VAV3: variants seen among roughly 807,000 people sequenced by gnomAD.
VAV3 encodes the protein vav guanine nucleotide exchange factor 3.
Under a neutral mutation model 131.2 loss-of-function variants are expected in VAV3, and 94 were observed. The ratio of observed to expected loss-of-function variants is 0.72; its 90% CI spans 0.61 to 0.85. The LOEUF (loss-of-function observed/expected upper bound fraction) is 0.85. Ranked by LOEUF, VAV3 falls within the 40% of genes least tolerant of loss-of-function variation. The pLI, the probability that VAV3 is intolerant of heterozygous loss-of-function variation, is 0.00. For missense variants in VAV3, 939 were observed against 1,002.7 expected (o/e 0.94, Z 0.86); for synonymous variants, 349 against 342.0 (o/e 1.02, Z -0.22).
At chr1:107,825,709 A>G (rs1667982248) in intron 2 of VAV3, among the ~76,000 whole-genome samples, 2 of 152,164 alleles carry the variant, frequency 1.3e-5, no homozygotes, top group Admixed American at 1.3e-4. Flanking sequence ...ATAGCCTCTC[A>G]CAAAATATCT....
chr1:107,777,173 C>T lies in VAV3; in HGVS notation c.446+58G>A, dbSNP rs111384525. 432 of 1,480,216 alleles carry T rather than the reference C, an allele frequency of 2.9e-4. No homozygotes were observed. The African/African-American group carries it at 5.3e-3, about 18-fold the overall frequency. 91.7% of individuals were successfully genotyped at this position (1,480,216 alleles called of 1,614,324 possible). A position where few individuals can be genotyped will look rare whatever the true frequency, so the allele number is the denominator to read the frequency against. On this transcript the variant is annotated intron_variant, in intron 4 of 26. Coordinates refer to ENST00000370056, the MANE Select transcript of VAV3 (RefSeq NM_006113.5). ...CTTACTTTAACATCCACAGTTAAAA[C>T]CCACAATGGACACATAAATTGGCAG... is the stretch of plus-strand genomic sequence containing the variant.
Position 107,922,056 on chromosome 1 carries a change from A to T in VAV3, c.204+42610T>A, listed in dbSNP as rs558473321. 1.2e-4 allele frequency among the ~76,000 whole-genome samples: 18 copies of T among 152,316 alleles called. No homozygotes were observed. The South Asian group carries it at 3.3e-3, about 28-fold the overall frequency. On this transcript the variant is annotated intron_variant, in intron 1 of 26. Transcript: ENST00000370056. ...GATTCAGTGCTTGTGAAATGCATGA[A>T]TTAGATTATGTATCTCCTTGATCTG...
intron 17 of VAV3, among the ~76,000 whole-genome samples, chr1:107,696,814 T>A (rs935455218): frequency 3.0e-4 from 46 of 152,284 alleles, no homozygotes; most frequent in African/African-American, 1.1e-3. Context: ...CCTATTCAAG[T>A]AAACTAAGTC....
Position 107,863,427 on chromosome 1 carries a change from G to A in VAV3, c.321+11474C>T, listed in dbSNP as rs115688537. Among the ~76,000 whole-genome samples, 554 of 151,764 alleles carry A rather than the reference G, an allele frequency of 3.7e-3. 3 individuals are homozygous for A. The highest frequency in any genetic ancestry group is 9.2e-3 in the African/African-American group (383 of 41,506). ...TCAAGCACTTAGCAGGTCATCTCCT[G>A]TCTATGGTCATCTCCTGTCTATCTG... is the stretch of plus-strand genomic sequence containing the variant. On this transcript the variant is annotated intron_variant, in intron 2 of 26. Transcript: ENST00000370056.
intron 19 of VAV3, among the ~76,000 whole-genome samples, chr1:107,675,233 A>G (rs1297968909): frequency 6.6e-6 from 1 of 152,224 alleles, no homozygotes; most frequent in Non-Finnish European, 1.5e-5. Flanking sequence ...AGGTATCTAT[A>G]TGTATCAATA....
At chr1:107,886,956 G>C (rs1215177924) in intron 1 of VAV3, among the ~76,000 whole-genome samples, 1 of 145,992 alleles carries the variant, frequency 6.8e-6, no homozygotes, top group East Asian at 1.9e-4. Context: ...ATTAACAAAT[G>C]TTCTACCAAT....
At chr1:107,962,922 C>T (rs1379458103) in intron 1 of VAV3, among the ~76,000 whole-genome samples, 2 of 152,112 alleles carry the variant, frequency 1.3e-5, no homozygotes, top group African/African-American at 2.4e-5. Flanking sequence ...ATTTTGCTAC[C>T]CCCACTAGGG....
intron 19 of VAV3, among the ~76,000 whole-genome samples, chr1:107,681,756 C>T (rs544431240): frequency 2.0e-5 from 3 of 151,666 alleles, no homozygotes; most frequent in Non-Finnish European, 4.4e-5. Flanking sequence ...CGGGCTCACG[C>T]CATTCTCCTG....
intron 2 of VAV3, among the ~76,000 whole-genome samples, chr1:107,800,534 T>C (rs938420923): frequency 7.2e-5 from 11 of 152,322 alleles, no homozygotes; most frequent in Non-Finnish European, 1.6e-4. Flanking sequence ...TTTTTTGTAA[T>C]TTCAACTCAT....
intron 19 of VAV3, 81 bp downstream of exon 19, chr1:107,683,407 C>A: frequency 6.6e-7 from 1 of 1,522,850 alleles, no homozygotes; most frequent in Admixed American, 1.7e-5. Context: ...CAATATGCCT[C>A]ACTTTCCACA....
intron 1 of VAV3, among the ~76,000 whole-genome samples, chr1:107,894,224 T>G (rs974899138): frequency 3.5e-4 from 54 of 152,228 alleles, no homozygotes; most frequent in African/African-American, 1.3e-3. Flanking sequence ...ATTTAAATTT[T>G]CACACAGATC....
chr1:107,719,077 A>C (rs960026869), intron 15 of VAV3, among the ~76,000 whole-genome samples: 10 of 152,220 alleles, frequency 6.6e-5, no homozygotes, highest in Admixed American at 1.3e-4. Context: ...TAAAGACTTA[A>C]ATGTTAGACC....
At chr1:107,852,180 A>T (rs1669261149) in intron 2 of VAV3, among the ~76,000 whole-genome samples, 1 of 152,210 alleles carries the variant, frequency 6.6e-6, no homozygotes, top group Non-Finnish European at 1.5e-5. Context: ...AAACGTTTTC[A>T]ATGGGACTAT....
intron 2 of VAV3, among the ~76,000 whole-genome samples, chr1:107,781,537 A>T (rs561685432): frequency 8.5e-5 from 13 of 152,294 alleles, no homozygotes; most frequent in East Asian, 1.9e-4. Flanking sequence ...GTTAATTTTT[A>T]AAAAATTAAG....
At chr1:107,886,076 G>A (rs1320182687) in intron 1 of VAV3, among the ~76,000 whole-genome samples, 1 of 152,186 alleles carries the variant, frequency 6.6e-6, no homozygotes, top group East Asian at 1.9e-4. Flanking sequence ...ATATGAAAAG[G>A]CCTGGCCAAA....
chr1:107,834,392 T>C (rs984362798), intron 2 of VAV3, among the ~76,000 whole-genome samples: 10 of 152,070 alleles, frequency 6.6e-5, no homozygotes, highest in African/African-American at 2.4e-4. Flanking sequence ...AAGGCAGGAA[T>C]TTTAAAAATG....
At chr1:107,765,770 T>C (rs979111422) in intron 8 of VAV3, among the ~76,000 whole-genome samples, 6 of 152,144 alleles carry the variant, frequency 3.9e-5, no homozygotes, top group Non-Finnish European at 5.9e-5. Flanking sequence ...AAGAGGTCAG[T>C]TGGTTTATTG....
At chr1:107,953,168 A>G (rs983550302) in intron 1 of VAV3, among the ~76,000 whole-genome samples, 1 of 152,142 alleles carries the variant, frequency 6.6e-6, no homozygotes, top group Non-Finnish European at 1.5e-5. Flanking sequence ...TCCTGTCTTC[A>G]CCACTTCCTG....
intron 15 of VAV3, among the ~76,000 whole-genome samples, chr1:107,737,751 T>C (rs1486936266): frequency 6.6e-6 from 1 of 152,200 alleles, no homozygotes; most frequent in Non-Finnish European, 1.5e-5. Context: ...TTTTACACTG[T>C]TGGTGGGACT....
Sources: gnomAD v4.1 joint callset for allele counts (sites outside exome capture counted in the v4.1 genomes callset) on GRCh38, gnomAD v4.1.1 for gene constraint, MANE v1.5 for transcripts, NCBI Gene and HGNC (gene_info 2026-07-23, HGNC 2026-07-21) for gene names.